Variants in CDK19 observed in about 807,000 individuals in gnomAD.
CDK19 encodes cyclin dependent kinase 19.
In CDK19, 20 loss-of-function variants were observed where a neutral mutation model predicts 68.3. The ratio of observed to expected loss-of-function variants is 0.29; its 90% CI spans 0.21 to 0.43. The LOEUF is 0.43. Ranked by LOEUF, CDK19 falls within the 20% of genes least tolerant of loss-of-function variation. The probability of loss-of-function intolerance (pLI) is 1.00; values close to 1 mark genes in which losing one functional copy is unlikely to be tolerated. For synonymous variants in CDK19, 221 were observed against 222.8 expected, an observed-to-expected ratio of 0.99 and a Z score of 0.07; for missense variants, 339 against 623.5, an observed-to-expected ratio of 0.54 and a Z score of 4.86.
chr6:110,814,559 A>C (rs1031488323), intron 1 of CDK19: 3 of 456,188 alleles, frequency 6.6e-6, no homozygotes, highest in Non-Finnish European at 1.3e-5. Flanking sequence ...CTCCCCGGCG[A>C]GGTTTCAAAC....
chr6:110,658,342 A>C (rs1781427611), intron 4 of CDK19, among the ~76,000 whole-genome samples: 1 of 152,248 alleles, frequency 6.6e-6, no homozygotes. Flanking sequence ...GCAGGTCAGA[A>C]GATATCCAGG....
At chr6:110,678,921 G>A (rs924050770) in intron 2 of CDK19, among the ~76,000 whole-genome samples, 1 of 152,114 alleles carries the variant, frequency 6.6e-6, no homozygotes, top group Non-Finnish European at 1.5e-5. Context: ...GCCTCAATTT[G>A]CATATCCATT....
chr6:110,693,846 C>A (rs1773244916), intron 2 of CDK19, among the ~76,000 whole-genome samples: 1 of 152,038 alleles, frequency 6.6e-6, no homozygotes, highest in Non-Finnish European at 1.5e-5. Context: ...CTTGGGAGCT[C>A]AATGGCCCCA....
chr6:110,743,500 G>A (rs890824930), intron 2 of CDK19, among the ~76,000 whole-genome samples: 2 of 151,976 alleles, frequency 1.3e-5, no homozygotes, highest in African/African-American at 4.8e-5. Context: ...AAATGAGCTG[G>A]GCATGGTGGT....
chr6:110,733,423 T>C (rs1257208347), intron 2 of CDK19, among the ~76,000 whole-genome samples: 1 of 152,152 alleles, frequency 6.6e-6, no homozygotes, highest in Non-Finnish European at 1.5e-5. Flanking sequence ...TTGTACAAGT[T>C]TTTTGTAGTC....
intron 4 of CDK19, among the ~76,000 whole-genome samples, chr6:110,650,068 C>T (rs754274496): frequency 2.0e-5 from 3 of 152,050 alleles, no homozygotes; most frequent in African/African-American, 4.8e-5. Context: ...CACTGAATTA[C>T]AAATAAATGT....
At chr6:110,749,677 G>T (rs1191038418) in intron 1 of CDK19, among the ~76,000 whole-genome samples, 1 of 151,740 alleles carries the variant, frequency 6.6e-6, no homozygotes, top group Non-Finnish European at 1.5e-5. Flanking sequence ...GAAAATTTTT[G>T]ATGCAAACAA....
chr6:110,645,887 C>T lies in CDK19; in HGVS notation c.457-7181G>A, dbSNP rs554454665. On this transcript the variant is annotated intron_variant, in intron 4 of 12. Coordinates refer to ENST00000368911, the MANE Select transcript of CDK19 (RefSeq NM_015076.5). ...AAGAGACTATCGTAGACGAAAACAG[C>T]GGCGACTCAGTCCTGCGAACTGTGC... is the stretch of plus-strand genomic sequence containing the variant. 545 of 751,178 alleles carry T rather than the reference C, an allele frequency of 7.3e-4. 6 individuals carry two copies. The highest frequency in any genetic ancestry group is 5.8e-5 in the Non-Finnish European group (26 of 444,756). 46.5% of individuals were successfully genotyped at this position (751,178 alleles called of 1,614,324 possible). A position where few individuals can be genotyped will look rare whatever the true frequency, so the allele number is the denominator to read the frequency against.
At chr6:110,765,081 T>C (rs903545166) in intron 1 of CDK19, among the ~76,000 whole-genome samples, 1 of 151,278 alleles carries the variant, frequency 6.6e-6, no homozygotes, top group African/African-American at 2.4e-5. Context: ...AAGTGGGACT[T>C]GACTAAAATG....
chr6:110,670,295 T>G, intron 3 of CDK19, 136 bp downstream of exon 3: 1 of 490,728 alleles, frequency 2.0e-6, no homozygotes. Flanking sequence ...AAAATCAACA[T>G]TTATGTTTAT....
At chr6:110,757,847 T>C (rs1279679180) in intron 1 of CDK19, among the ~76,000 whole-genome samples, 1 of 152,190 alleles carries the variant, frequency 6.6e-6, no homozygotes, top group African/African-American at 2.4e-5. Context: ...ACAGAACTTT[T>C]CTTAATAACA....
chr6:110,804,478 GA>G (rs1324433646), intron 1 of CDK19, among the ~76,000 whole-genome samples: 1 of 151,572 alleles, frequency 6.6e-6, no homozygotes, highest in East Asian at 2.0e-4. Flanking sequence ...GAGTAGCTGG[GA>G]CTACTCAGGG....
chr6:110,649,376 A>T (rs913999085), intron 4 of CDK19, among the ~76,000 whole-genome samples: 8 of 152,190 alleles, frequency 5.3e-5, no homozygotes, highest in Non-Finnish European at 1.0e-4. Flanking sequence ...TAGGCAGATT[A>T]AAAAAGTAAA....
rs370278585 is a variant in CDK19 at position 110,614,586 on chromosome 6, C to T, written c.1458G>A (p.Ser486=). 3.9e-5 allele frequency: 63 copies of T among 1,613,792 alleles called. No homozygotes were observed. The highest frequency in any genetic ancestry group is 2.4e-4 in the South Asian group (22 of 91,070). ...GGTGGTACTGTGAGCTCTGCTGAGA[C>T]GAGGAAGAGTAGCCAAGTGTGCTCT... ...QSQSTLGYSS[S]SQQSSQYHPS... is the part of the protein sequence containing the mutation. The change falls in exon 13 of 13, where the codon TCG becomes TCA. Residue 486 remains serine (S), a synonymous_variant. Coordinates refer to ENST00000368911, the MANE Select transcript of CDK19 (RefSeq NM_015076.5).
intron 4 of CDK19, among the ~76,000 whole-genome samples, chr6:110,664,117 T>C (rs9320342): frequency 0.071 from 10,867 of 152,242 alleles, 528 homozygotes; most frequent in African/African-American, 0.13. Context: ...CTTCTGAGCA[T>C]GACCTCACAT....
chr6:110,815,160 C>A lies in CDK19; in HGVS notation c.-24G>T, dbSNP rs1427552030. The A allele has an allele frequency of 6.4e-7, 1 of 1,558,372 alleles. No individual in the cohort carries two copies. The highest frequency in any genetic ancestry group is 1.4e-5 in the African/African-American group (1 of 70,282). Reference sequence around the variant, plus strand: ...ATTGTCTGCTTCCCCCATAGAGGCACGGGACGCGGGGGCCGCCGCCGCTCA... The same window carrying A: ...ATTGTCTGCTTCCCCCATAGAGGCAAGGGACGCGGGGGCCGCCGCCGCTCA... On this transcript the variant is annotated 5_prime_UTR_variant, in exon 1 of 13. Coordinates refer to ENST00000368911, the MANE Select transcript of CDK19 (RefSeq NM_015076.5).
At chr6:110,614,964 A>C (rs1375184830) in intron 12 of CDK19, among the ~76,000 whole-genome samples, 1 of 152,192 alleles carries the variant, frequency 6.6e-6, no homozygotes, top group Non-Finnish European at 1.5e-5. Context: ...CTTTATTCCA[A>C]TTCTGGGGTG....
chr6:110,774,940 C>A (rs557092987), intron 1 of CDK19, among the ~76,000 whole-genome samples: 1 of 150,974 alleles, frequency 6.6e-6, no homozygotes, highest in African/African-American at 2.4e-5. Context: ...CAGAGCAAGA[C>A]CCTATTTCAA....
intron 2 of CDK19, among the ~76,000 whole-genome samples, chr6:110,673,434 C>T (rs948671303): frequency 6.6e-6 from 1 of 151,978 alleles, no homozygotes; most frequent in African/African-American, 2.4e-5. Context: ...ATTTGAATCC[C>T]CACTTTCAAT....
Sources: gnomAD v4.1 joint callset for allele counts (sites outside exome capture counted in the v4.1 genomes callset) on GRCh38, gnomAD v4.1.1 for gene constraint, MANE v1.5 for transcripts, NCBI Gene and HGNC (gene_info 2026-07-23, HGNC 2026-07-21) for gene names.